The following ZC4H2 variants were observed in gnomAD, a reference collection of about 807,000 sequenced individuals.
ZC4H2 encodes zinc finger C4H2-type containing.
For synonymous variants in ZC4H2, 84 were observed against 66.3 expected (o/e 1.27, Z -1.30); for missense variants, 137 against 173.9 (o/e 0.79, Z 1.19).
At chrX:64,953,256 C>T (rs1930961064) in intron 1 of ZC4H2, among the ~76,000 whole-genome samples, 1 of 111,678 alleles carries the variant, frequency 9.0e-6, no homozygotes, top group African/African-American at 3.3e-5. Flanking sequence ...AGGACACAGG[C>T]ATGGGCAAGG....
At chrX:65,002,228 G>T (rs970849955) in intron 1 of ZC4H2, among the ~76,000 whole-genome samples, 1 of 112,198 alleles carries the variant, frequency 8.9e-6, no homozygotes, top group Admixed American at 9.3e-5. Context: ...GCAAAAGAAT[G>T]GAAATCATAA....
chrX:65,014,720 G>A (rs1472459075), intron 1 of ZC4H2, among the ~76,000 whole-genome samples: 2 of 111,939 alleles, frequency 1.8e-5, no homozygotes, highest in Non-Finnish European at 3.8e-5. Context: ...AGTGTGTAGT[G>A]TAGTGCTCAA....
intron 1 of ZC4H2, among the ~76,000 whole-genome samples, chrX:64,939,595 T>C (rs1411510291): frequency 9.1e-6 from 1 of 109,801 alleles, no homozygotes; most frequent in South Asian, 3.8e-4. Flanking sequence ...AACAGATACA[T>C]AGAACAGAAC....
rs766799579 is a variant in ZC4H2, at chrX:64,920,064, G to T, written c.398+17C>A. Reference sequence around the variant, plus strand: ...GGAGGGAGGGTATGTTGTAGGGACTGGGGGCAGGTAGCTTACTCCAAGGAA... The same window carrying T: ...GGAGGGAGGGTATGTTGTAGGGACTTGGGGCAGGTAGCTTACTCCAAGGAA... On this transcript the variant is annotated intron_variant, in intron 3 of 4. Transcript: ENST00000374839. The T allele has an allele frequency of 3.3e-6, 4 of 1,205,480 alleles. No individual in the cohort carries two copies. In the South Asian group the frequency reaches 7.2e-5, roughly 22 times the overall value.
chrX:64,951,234 C>CTG (rs1569213376), intron 1 of ZC4H2, among the ~76,000 whole-genome samples: 1 of 111,983 alleles, frequency 8.9e-6, no homozygotes, highest in African/African-American at 3.2e-5. Context: ...GGTTCCAAGT[C>CTG]TGCTATTGTG....
At chrX:64,939,309 A>T (rs1930158609) in intron 1 of ZC4H2, among the ~76,000 whole-genome samples, 1 of 112,123 alleles carries the variant, frequency 8.9e-6, no homozygotes, top group African/African-American at 3.2e-5. Flanking sequence ...AAATGGAAAA[A>T]CATTCCATGC....
chrX:64,943,244 C>A (rs1168899766), intron 1 of ZC4H2, among the ~76,000 whole-genome samples: 2 of 112,034 alleles, frequency 1.8e-5, no homozygotes. Flanking sequence ...GAGTGTTTTA[C>A]TTCCTTTATG....
intron 1 of ZC4H2, among the ~76,000 whole-genome samples, chrX:64,922,700 T>G (rs1247984860): frequency 8.9e-6 from 1 of 112,405 alleles, no homozygotes; most frequent in African/African-American, 3.2e-5. Flanking sequence ...AAGTAAGCAC[T>G]GTCCAATAAA....
intron 1 of ZC4H2, among the ~76,000 whole-genome samples, chrX:64,926,904 C>G (rs1314619835): frequency 9.0e-6 from 1 of 111,527 alleles, no homozygotes; most frequent in Non-Finnish European, 1.9e-5. Flanking sequence ...AATTTTGGTA[C>G]AGGTAGAGGC....
At chrX:65,004,501 T>A (rs948971176) in intron 1 of ZC4H2, among the ~76,000 whole-genome samples, 1 of 112,081 alleles carries the variant, frequency 8.9e-6, no homozygotes, top group East Asian at 2.8e-4. Context: ...ACTCAATAGA[T>A]GCAGAAAAGG....
chrX:65,006,186 T>C (rs1932654707), intron 1 of ZC4H2, among the ~76,000 whole-genome samples: 1 of 111,741 alleles, frequency 8.9e-6, no homozygotes, highest in African/African-American at 3.3e-5. Context: ...AAATACTGTT[T>C]CACCCAGCAA....
At chrX:65,034,741 CAG>C (rs1010131877), upstream of ZC4H2, 10 of 113,214 alleles carry the variant, frequency 8.8e-5, no homozygotes, top group Non-Finnish European at 3.7e-5. Context: ...CAGTCGCCGA[CAG>C]GGGTGGGGCG....
chrX:65,000,034 C>T (rs1315088526), intron 1 of ZC4H2, among the ~76,000 whole-genome samples: 1 of 112,360 alleles, frequency 8.9e-6, no homozygotes, highest in East Asian at 2.8e-4. Context: ...TTTAAACGTT[C>T]ATGCCTGCCA....
chrX:64,981,964 C>G lies in ZC4H2; in HGVS notation c.-272+52665G>C, dbSNP rs145414890. 3.0e-4 allele frequency among the ~76,000 whole-genome samples: 33 copies of G among 111,243 alleles called. No homozygotes were observed. The East Asian group carries it at 9.4e-3, about 32-fold the overall frequency. On this transcript the variant is annotated intron_variant, in intron 1 of 4. Transcript: ENST00000337990. ...GGCTTTATGTCATTGAAATTTCACT[C>G]CTCTATTCTTTCTCACCTACCCAAT... is the stretch of plus-strand genomic sequence containing the variant.
intron 2 of ZC4H2, among the ~76,000 whole-genome samples, chrX:64,920,460 A>G (rs944351451): frequency 7.1e-5 from 8 of 112,024 alleles, no homozygotes; most frequent in Non-Finnish European, 1.5e-4. Context: ...AACTCATGCA[A>G]TCTTGGTGAA....
chrX:65,032,049 CTGTT>C (rs1173974116), intron 1 of ZC4H2, among the ~76,000 whole-genome samples: 1 of 111,074 alleles, frequency 9.0e-6, no homozygotes, highest in Non-Finnish European at 1.9e-5. Context: ...ATAGAGAGGT[CTGTT>C]TGTTGTAGGA....
intron 1 of ZC4H2, among the ~76,000 whole-genome samples, chrX:65,018,562 T>C (rs1932812900): frequency 8.9e-6 from 1 of 111,860 alleles, no homozygotes; most frequent in South Asian, 3.8e-4. Context: ...CTCCGGTGCT[T>C]ACGCCACCAA....
intron 1 of ZC4H2, among the ~76,000 whole-genome samples, chrX:65,016,865 A>G (rs1159342306): frequency 1.8e-5 from 2 of 111,900 alleles, no homozygotes; most frequent in Non-Finnish European, 3.8e-5. Flanking sequence ...ATAGCTAAAA[A>G]GAAAGAACTT....
intron 1 of ZC4H2, chrX:64,922,205 G>T: frequency 1.1e-5 from 8 of 743,638 alleles, no homozygotes; most frequent in Non-Finnish European, 1.2e-5. Flanking sequence ...GAGCCCAGGA[G>T]TTTGAAACCA....
Sources: gnomAD v4.1 joint callset for allele counts (sites outside exome capture counted in the v4.1 genomes callset) on GRCh38, gnomAD v4.1.1 for gene constraint, MANE v1.5 for transcripts, NCBI Gene and HGNC (gene_info 2026-07-23, HGNC 2026-07-21) for gene names.